Variants in AMD1 observed in about 807,000 individuals in gnomAD.
AMD1 encodes S-adenosylmethionine decarboxylase proenzyme.
AMD1 carries 11 observed loss-of-function variants against 40.2 expected under a neutral mutation model. That is an observed-to-expected ratio of 0.27 (90% CI 0.17 to 0.45). The LOEUF (loss-of-function observed/expected upper bound fraction) is 0.45, where lower values mean the gene tolerates loss of function less well. Among genes scored for constraint, AMD1 ranks in the 20% least tolerant of loss-of-function variants. The probability of loss-of-function intolerance (pLI) is 1.00; values close to 1 mark genes in which losing one functional copy is unlikely to be tolerated. For synonymous variants in AMD1, 121 were observed against 130.8 expected (o/e 0.93, Z 0.51); for missense variants, 257 against 410.2 (o/e 0.63, Z 3.23).
the AMD1 span, among the ~76,000 whole-genome samples, chr6:110,868,400 T>G: frequency 6.6e-6 from 1 of 152,022 alleles, no homozygotes; most frequent in Non-Finnish European, 1.5e-5. Context: ...CTGCCTGCCT[T>G]GGACTCCAAA....
chr6:110,877,058 C>G (rs897886328), intron 1 of AMD1, among the ~76,000 whole-genome samples: 1 of 152,182 alleles, frequency 6.6e-6, no homozygotes, highest in African/African-American at 2.4e-5. Flanking sequence ...TGTTTAAGAA[C>G]CCTTTTTACT....
intron 1 of AMD1, among the ~76,000 whole-genome samples, chr6:110,882,390 C>G (rs1441763541): frequency 6.6e-6 from 1 of 152,190 alleles, no homozygotes; most frequent in Non-Finnish European, 1.5e-5. Flanking sequence ...GTTGCAATTA[C>G]TCAGCTCTGC....
chr6:110,886,087 G>A (rs956567284), intron 1 of AMD1, among the ~76,000 whole-genome samples: 12 of 151,654 alleles, frequency 7.9e-5, no homozygotes, highest in African/African-American at 1.5e-4. Flanking sequence ...AAACCCTGTC[G>A]CCACTAAAAA....
chr6:110,840,050 C>T, the AMD1 span, among the ~76,000 whole-genome samples: 4 of 140,038 alleles, frequency 2.9e-5, no homozygotes, highest in Non-Finnish European at 6.1e-5. Context: ...TGGAGTTTCC[C>T]TCTTGTTATC....
chr6:110,879,225 G>C (rs939100047), intron 1 of AMD1, among the ~76,000 whole-genome samples: 2 of 152,138 alleles, frequency 1.3e-5, no homozygotes, highest in Non-Finnish European at 2.9e-5. Context: ...CCTGGTGCGT[G>C]TCTGCATCCC....
the AMD1 span, among the ~76,000 whole-genome samples, chr6:110,862,012 T>A: frequency 2.7e-5 from 4 of 148,188 alleles, no homozygotes; most frequent in Admixed American, 1.4e-4. Context: ...TATTAAAGAT[T>A]TAAAATCTTT....
the AMD1 span, among the ~76,000 whole-genome samples, chr6:110,851,977 G>A: frequency 6.6e-6 from 1 of 151,358 alleles, no homozygotes; most frequent in Non-Finnish European, 1.5e-5. Flanking sequence ...TGCATAAATT[G>A]AATTATTTAA....
the AMD1 span, among the ~76,000 whole-genome samples, chr6:110,867,693 G>A: frequency 6.6e-6 from 1 of 151,800 alleles, no homozygotes; most frequent in Non-Finnish European, 1.5e-5. Context: ...AAGTAAATAC[G>A]AAAGCAGAAT....
Position 110,893,771 on chromosome 6 carries a change from G to A in AMD1, c.*155G>A. 6 of 795,032 alleles carry A rather than the reference G, an allele frequency of 7.5e-6. No individual in the cohort carries two copies. The East Asian group carries it at 1.6e-4, about 22-fold the overall frequency. The allele number at this position is 795,032 out of a possible 1,614,324, so 49.2% of individuals were successfully genotyped here. On this transcript the variant is annotated 3_prime_UTR_variant, in exon 9 of 9. Coordinates refer to ENST00000368885, the MANE Select transcript of AMD1 (RefSeq NM_001634.6). ...AATGATAGTGTAATCATTTTGAATTGTATGCATTATTATATCAAGGAGTTA... is the reference window on the plus strand; with the variant it reads ...AATGATAGTGTAATCATTTTGAATTATATGCATTATTATATCAAGGAGTTA...
the AMD1 span, among the ~76,000 whole-genome samples, chr6:110,835,405 A>G: frequency 1.1e-4 from 16 of 152,314 alleles, no homozygotes; most frequent in South Asian, 2.1e-4. Flanking sequence ...CTGAAACTAT[A>G]GTAATGAAGT....
chr6:110,819,069 C>T, the AMD1 span, among the ~76,000 whole-genome samples: 9 of 152,112 alleles, frequency 5.9e-5, no homozygotes, highest in African/African-American at 1.9e-4. Context: ...GTAAAAACAA[C>T]GATCTGGGCC....
the AMD1 span, chr6:110,815,235 C>A: frequency 7.8e-7 from 1 of 1,282,272 alleles, no homozygotes; most frequent in Non-Finnish European, 9.9e-7. Context: ...CTCCAACAGC[C>A]GCCTCTCGCG....
chr6:110,846,392 A>T, the AMD1 span, among the ~76,000 whole-genome samples: 2 of 152,202 alleles, frequency 1.3e-5, no homozygotes, highest in Admixed American at 1.3e-4. Context: ...TAGAATGCAT[A>T]AATAGCTATC....
chr6:110,888,854 C>T lies in AMD1; in HGVS notation c.198-3C>T. 1 of 1,609,204 alleles carries T rather than the reference C, an allele frequency of 6.2e-7. No individual in the cohort carries two copies. The highest frequency in any genetic ancestry group is 8.5e-7 in the Non-Finnish European group (1 of 1,178,404). ...ATAATATTGTGACTTTTTTCAACTG[C>T]AGTGAGAGTAGCATGTTTGTCTCCA... On this transcript the variant is annotated splice_polypyrimidine_tract_variant and splice_region_variant and intron_variant, in intron 2 of 8. Transcript: ENST00000368885.
At chr6:110,879,234 C>G (rs1222579489) in intron 1 of AMD1, among the ~76,000 whole-genome samples, 1 of 152,134 alleles carries the variant, frequency 6.6e-6, no homozygotes, top group Non-Finnish European at 1.5e-5. Flanking sequence ...TGTCTGCATC[C>G]CAGCCACTCG....
intron 4 of AMD1, chr6:110,891,809 C>T (rs1477023530): frequency 3.8e-6 from 1 of 263,354 alleles, no homozygotes; most frequent in Admixed American, 5.1e-5. Flanking sequence ...GTGGCGTGAT[C>T]TTGGCTCACT....
At chr6:110,884,417 T>C (rs1177845821) in intron 1 of AMD1, among the ~76,000 whole-genome samples, 4 of 152,202 alleles carry the variant, frequency 2.6e-5, no homozygotes, top group African/African-American at 7.2e-5. Flanking sequence ...TTAAAGTATC[T>C]GTGCTACAAG....
Position 110,890,346 on chromosome 6 carries a change from A to C in AMD1, c.417A>C (p.Ala139=). The C allele has an allele frequency of 1.3e-6, 2 of 1,591,498 alleles. No individual in the cohort carries two copies. Among genetic ancestry groups the C allele is most frequent in the South Asian group, 2.3e-5 (2 of 86,240 alleles). ...NFQEEIEFLN[A]IFPNGAAYCM... is the part of the protein sequence containing the mutation. ...AGGAAGAAATAGAGTTTCTTAATGCAATTTTCCCAAGTAAGTTTAAATAAA... is the reference window on the plus strand; with the variant it reads ...AGGAAGAAATAGAGTTTCTTAATGCCATTTTCCCAAGTAAGTTTAAATAAA... Residue 139 remains alanine (A), a synonymous_variant, in exon 4 of 9, where the codon GCA becomes GCC. Coordinates refer to ENST00000368885, the MANE Select transcript of AMD1 (RefSeq NM_001634.6).
the AMD1 span, among the ~76,000 whole-genome samples, chr6:110,830,406 C>G: frequency 6.6e-6 from 1 of 152,134 alleles, no homozygotes; most frequent in African/African-American, 2.4e-5. Context: ...CAACTCCAGA[C>G]CAGATGGAAG....
Sources: allele counts gnomAD v4.1 joint callset (sites outside exome capture counted in the v4.1 genomes callset), GRCh38; gene constraint gnomAD v4.1.1; transcripts MANE v1.5; gene names NCBI Gene and HGNC (gene_info 2026-07-23, HGNC 2026-07-21).